WASHC2C: variants seen among roughly 807,000 people sequenced by gnomAD.
The protein encoded by WASHC2C is WASH complex subunit 2C.
In WASHC2C, 73 loss-of-function variants were observed where a neutral mutation model predicts 142.2. That is an observed-to-expected ratio of 0.51 (90% CI 0.43 to 0.62). The LOEUF (loss-of-function observed/expected upper bound fraction) is 0.62, where lower values mean the gene tolerates loss of function less well. Ranked by LOEUF, WASHC2C falls within the 20% of genes least tolerant of loss-of-function variation. WASHC2C has a pLI of 0.00. For missense variants in WASHC2C, 969 were observed against 1,531.7 expected, an observed-to-expected ratio of 0.63 and a Z score of 6.13; for synonymous variants, 337 against 565.5, an observed-to-expected ratio of 0.60 and a Z score of 5.73.
chr10:45,730,607 C>A (rs1422493045), intron 3 of WASHC2C, among the ~76,000 whole-genome samples: 2 of 146,550 alleles, frequency 1.4e-5, no homozygotes, highest in African/African-American at 5.1e-5. Flanking sequence ...ACCAGAGTCC[C>A]AAAGGATTTG....
intron 12 of WASHC2C, 92 bp from the exon 13 acceptor site, chr10:45,753,088 C>T: frequency 1.1e-6 from 1 of 923,876 alleles, no homozygotes; most frequent in Non-Finnish European, 1.6e-6. Flanking sequence ...AGCTTTAAAT[C>T]TTGTAGGTTA....
intron 18 of WASHC2C, among the ~76,000 whole-genome samples, chr10:45,764,615 A>C (rs1312825416): frequency 2.6e-5 from 4 of 151,956 alleles, no homozygotes; most frequent in Admixed American, 6.5e-5. Context: ...CTTAACTCTC[A>C]TGCAGTACTG....
intron 3 of WASHC2C, among the ~76,000 whole-genome samples, chr10:45,735,691 A>G (rs111888955): frequency 0.032 from 4,930 of 152,332 alleles, 228 homozygotes; most frequent in African/African-American, 0.11. Flanking sequence ...TGCGTTTATG[A>G]TAATTTTCAT....
In WASHC2C at chr10:45,769,580, A is replaced by T; in HGVS notation, c.2001A>T (p.Glu667Asp). The T allele has an allele frequency of 6.2e-7, 1 of 1,611,972 alleles. No individual in the cohort carries two copies. Among genetic ancestry groups the T allele is most frequent in the Non-Finnish European group, 8.5e-7 (1 of 1,179,862 alleles). The change falls in exon 20 of 31, where the codon GAA becomes GAT. Residue 667 changes from glutamate (E) to aspartate (D), a missense_variant. Glu to Asp is a conservative substitution (Grantham distance 45). Transcript: ENST00000623400. ...KAVKKTSLFE[E>D]DKEDDLFAIA... ...TGAAAAAGACCAGTCTCTTTGAGGA[A>T]GACAAAGAAGATGATCTTTTTGCCA...
intron 28 of WASHC2C, among the ~76,000 whole-genome samples, chr10:45,787,738 G>A (rs1261607038): frequency 1.3e-5 from 2 of 152,024 alleles, no homozygotes; most frequent in South Asian, 4.2e-4. Context: ...AACACACATG[G>A]TCTGTTCTGC....
Position 45,755,036 on chromosome 10 carries a change from C to G in WASHC2C, c.1341C>G (p.Pro447=), listed in dbSNP as rs2134773354. 1 of 1,611,924 alleles carries G rather than the reference C, an allele frequency of 6.2e-7. No individual in the cohort carries two copies. Among genetic ancestry groups the G allele is most frequent in the African/African-American group, 1.3e-5 (1 of 74,888 alleles). Residue 447 remains proline (P), a synonymous_variant, in exon 15 of 31, where the codon CCC becomes CCG. Transcript: ENST00000623400. ...GGAAAAGCCCCTATGGTCCCCCTCC[C>G]ACTGGCCTCTTTGATGATGATGATG... ...TPRKSPYGPP[P]TGLFDDDDGD...
intron 3 of WASHC2C, among the ~76,000 whole-genome samples, chr10:45,730,455 C>T (rs2050422992): frequency 7.0e-6 from 1 of 142,618 alleles, no homozygotes; most frequent in South Asian, 2.3e-4. Flanking sequence ...GGACTCTAGA[C>T]TCAACTTCTC....
chr10:45,787,871 G>A (rs1246088521), intron 28 of WASHC2C, among the ~76,000 whole-genome samples: 3 of 152,208 alleles, frequency 2.0e-5, no homozygotes, highest in Non-Finnish European at 2.9e-5. Flanking sequence ...CCACAGCAGC[G>A]ACACTGTTTC....
chr10:45,792,125 T>C (rs1397588227), intron 30 of WASHC2C, 136 bp from the exon 31 acceptor site: 3 of 939,978 alleles, frequency 3.2e-6, no homozygotes, highest in Middle Eastern at 6.6e-4. Flanking sequence ...TCTAAGAGGC[T>C]TGAGTTCTAG....
chr10:45,746,592 C>G lies in WASHC2C; in HGVS notation c.685-8C>G. The G allele has an allele frequency of 3.7e-6, 6 of 1,613,302 alleles. No individual in the cohort carries two copies. The highest frequency in any genetic ancestry group is 5.1e-6 in the Non-Finnish European group (6 of 1,179,524). The stretch of plus-strand genomic sequence containing the variant: ...ATTTAACAACAAAGCCTTTTCTTAC[C>G]CATAAAGGAGTCAGATGAAGATTTT... On this transcript the variant is annotated splice_region_variant and splice_polypyrimidine_tract_variant and intron_variant, in intron 7 of 30. Transcript: ENST00000623400.
intron 12 of WASHC2C, 66 bp downstream of exon 12, chr10:45,752,772 T>C (rs1159140959): frequency 4.3e-5 from 47 of 1,088,804 alleles, no homozygotes; most frequent in African/African-American, 5.1e-5. Context: ...AGGGAAGATA[T>C]AGGCTTTGCT....
chr10:45,766,177 G>A (rs2135243734), intron 19 of WASHC2C, among the ~76,000 whole-genome samples: 1 of 152,268 alleles, frequency 6.6e-6, no homozygotes, highest in African/African-American at 2.4e-5. Flanking sequence ...AGTTTTACCA[G>A]ACACAGGAGC....
intron 8 of WASHC2C, among the ~76,000 whole-genome samples, chr10:45,747,255 C>T (rs2052947576): frequency 6.6e-6 from 1 of 152,030 alleles, no homozygotes; most frequent in Non-Finnish European, 1.5e-5. Flanking sequence ...ATTCTTCTGC[C>T]TCAGCCTCCC....
chr10:45,755,920 TG>T (rs1183555680), intron 15 of WASHC2C, among the ~76,000 whole-genome samples: 1 of 152,250 alleles, frequency 6.6e-6, no homozygotes, highest in Non-Finnish European at 1.5e-5. Flanking sequence ...GCCGGCTGTC[TG>T]GACTCACTCT....
chr10:45,784,246 G>A lies in WASHC2C; in HGVS notation c.2479-319G>A, dbSNP rs1175127912. ...CTTGTGCATATATATATATATGTGTGTGTGTGTATATATATATATATATAT... is the reference window on the plus strand; with the variant it reads ...CTTGTGCATATATATATATATGTGTATGTGTGTATATATATATATATATAT... On this transcript the variant is annotated intron_variant, in intron 23 of 30. Transcript: ENST00000623400. 4.6e-3 allele frequency among the ~76,000 whole-genome samples: 164 copies of A among 35,522 alleles called. 2 individuals carry two copies. Among genetic ancestry groups the A allele is most frequent in the African/African-American group, 0.013 (149 of 11,404 alleles). The allele number at this position is 35,522 out of a possible 152,430, so 23.3% of individuals were successfully genotyped here. A position where few individuals can be genotyped will look rare whatever the true frequency, so the allele number is the denominator to read the frequency against.
chr10:45,757,848 T>C (rs2134909482), intron 16 of WASHC2C, among the ~76,000 whole-genome samples: 1 of 152,376 alleles, frequency 6.6e-6, no homozygotes, highest in South Asian at 2.1e-4. Context: ...TAGGCAGTAA[T>C]GCTTGCTGCT....
At chr10:45,760,043 C>T (rs1290847411) in intron 17 of WASHC2C, among the ~76,000 whole-genome samples, 5 of 149,258 alleles carry the variant, frequency 3.3e-5, no homozygotes, top group Admixed American at 2.7e-4. Flanking sequence ...TATTCACATT[C>T]TCACTAACTA....
At chr10:45,771,092 C>G (rs570935751) in intron 20 of WASHC2C, among the ~76,000 whole-genome samples, 13 of 151,848 alleles carry the variant, frequency 8.6e-5, no homozygotes, top group African/African-American at 2.9e-4. Flanking sequence ...CCCGGCTGGG[C>G]GCAGTGGCTC....
intron 4 of WASHC2C, 59 bp downstream of exon 4, chr10:45,738,104 C>T (rs1237051180): frequency 2.5e-6 from 4 of 1,610,848 alleles, no homozygotes; most frequent in East Asian, 4.5e-5. Flanking sequence ...TGGTGGAGAT[C>T]GATGTGTTAT....
Sources: allele counts gnomAD v4.1 joint callset (sites outside exome capture counted in the v4.1 genomes callset), GRCh38; gene constraint gnomAD v4.1.1; transcripts MANE v1.5; gene names NCBI Gene and HGNC (gene_info 2026-07-23, HGNC 2026-07-21).